PRRC2A: variants seen among roughly 807,000 people sequenced by gnomAD.
PRRC2A encodes protein PRRC2A.
In PRRC2A, 59 loss-of-function variants were observed where a neutral mutation model predicts 224.6. The ratio of observed to expected loss-of-function variants is 0.26; its 90% CI spans 0.21 to 0.33. The LOEUF is 0.33. PRRC2A is among the 10% of genes least tolerant of loss of function. PRRC2A has a pLI of 1.00. For synonymous variants in PRRC2A, 1,194 were observed against 1,109.5 expected, an observed-to-expected ratio of 1.08 and a Z score of -1.51; for missense variants, 3,095 against 2,880.7, an observed-to-expected ratio of 1.07 and a Z score of -1.70.
chr6:31,635,245 C>G lies in PRRC2A; in HGVS notation c.5274C>G (p.Pro1758=). Residue 1758 remains proline (P), a synonymous_variant, in exon 22 of 31, where the codon CCC becomes CCG. Coordinates refer to ENST00000376033, the MANE Select transcript of PRRC2A (RefSeq NM_004638.4). ...GPIRPSHRPG[P]PVQFGTSDKD... ...TTCGGCCATCCCATCGACCTGGTCC[C>G]CCAGTCCAGTTTGGCACTAGTGACA... 4 of 1,614,182 alleles carry G rather than the reference C, an allele frequency of 2.5e-6. No homozygotes were observed. Among genetic ancestry groups the G allele is most frequent in the Non-Finnish European group, 3.4e-6 (4 of 1,180,022 alleles).
chr6:31,623,084 C>G (rs368090975), intron 2 of PRRC2A, 183 bp downstream of exon 2: 62 of 763,892 alleles, frequency 8.1e-5, no homozygotes, highest in Non-Finnish European at 1.4e-4. Context: ...AGTTATCCTC[C>G]TACAAAGGCG....
rs143189688 is a variant in PRRC2A at position 31,627,069 on chromosome 6, T to C, written c.1161T>C (p.Thr387=). Residue 387 remains threonine, a synonymous_variant, in exon 11 of 31, where the codon ACT becomes ACC. Coordinates refer to ENST00000376033, the MANE Select transcript of PRRC2A (RefSeq NM_004638.4). This position sits in a 1 kb window ranked among gnomAD's most constrained non-coding sequence, Gnocchi z 5.6. The part of the protein sequence containing the change: ...KGNSPNSEPP[T]PKTAWAETSR... Reference sequence around the variant, plus strand: ...ACTCCCCCAACAGCGAACCGCCCACTCCTAAGACGGCCTGGGCAGAAACCT... The same window carrying C: ...ACTCCCCCAACAGCGAACCGCCCACCCCTAAGACGGCCTGGGCAGAAACCT... 1.7e-5 allele frequency: 28 copies of C among 1,613,986 alleles called. No homozygotes were observed. Among genetic ancestry groups the C allele is most frequent in the Non-Finnish European group, 2.0e-5 (24 of 1,180,018 alleles).
At chr6:31,624,383 G>A (rs1180587217) in intron 4 of PRRC2A, 23 bp downstream of exon 4, 2 of 1,611,106 alleles carry the variant, frequency 1.2e-6, no homozygotes, top group Admixed American at 3.3e-5. Flanking sequence ...CTGGAGGGGT[G>A]GGGAGGAAGA....
At position 31,636,169 on chromosome 6, in the gene PRRC2A, T is replaced by C. The variant is rs1299016527; in HGVS notation, c.5625-40T>C. 1 of 1,588,200 alleles carries C rather than the reference T, an allele frequency of 6.3e-7. No homozygotes were observed. The highest frequency in any genetic ancestry group is 8.6e-7 in the Non-Finnish European group (1 of 1,156,744). On this transcript the variant is annotated intron_variant, in intron 25 of 30. Transcript: ENST00000376033. The surrounding 1 kb of genome is among the most constrained non-coding windows in gnomAD (Gnocchi z 4.3). The stretch of plus-strand genomic sequence containing the variant: ...TGGACTTAAGGCATTGCTAGGACTC[T>C]GGCTTCCTAACAGCTTTTCTCCCCA...
Position 31,627,128 on chromosome 6 carries a change from C to G in PRRC2A, c.1220C>G (p.Ala407Gly). The G allele has an allele frequency of 6.2e-7, 1 of 1,613,970 alleles. No individual in the cohort carries two copies. Among genetic ancestry groups the G allele is most frequent in the South Asian group, 1.1e-5 (1 of 91,088 alleles). The change falls in exon 11 of 31, where the codon GCC becomes GGC. Residue 407 changes from alanine (A) to glycine (G), a missense_variant. Physicochemically the swap from Ala to Gly is moderately conservative, Grantham distance 60. This residue lies in a region of PRRC2A where 2,001 missense variants were observed against 1,764.9 expected (regional missense o/e 1.13). Transcript: ENST00000376033. This position sits in a 1 kb window ranked among gnomAD's most constrained non-coding sequence, Gnocchi z 5.6. ...CCAGAGACAGAGCCGGGACCTCCTG[C>G]CCCAAAGCCTCCCCTACCCCCACCT... ...RPPETEPGPP[A>G]PKPPLPPPHR... is the part of the protein sequence containing the mutation.
Position 31,626,129 on chromosome 6 carries a change from C to G in PRRC2A, c.949C>G (p.Gln317Glu). The G allele has an allele frequency of 1.2e-6, 2 of 1,612,696 alleles. No homozygotes were observed. Among genetic ancestry groups the G allele is most frequent in the Non-Finnish European group, 1.7e-6 (2 of 1,179,840 alleles). Residue 317 changes from glutamine (Q) to glutamate (E), a missense_variant, in exon 9 of 31, where the codon CAG (glutamine) becomes GAG (glutamate). Physicochemically the swap from Gln to Glu is conservative, Grantham distance 29. Around this residue, in one of 8 missense-constraint regions of PRRC2A, gnomAD observed 287 missense variants for 275.3 expected, o/e 1.04. Transcript: ENST00000376033. The stretch of plus-strand genomic sequence containing the variant: ...AGAGGATAATCTCAAAGAGTTTGAT[C>G]AGTTGGATCAGGAGAATGATGATGG... ...LKEDNLKEFD[Q>E]LDQENDDGWA...
rs754728776 is a variant in PRRC2A, at chr6:31,637,026, A to T, written c.6148-16A>T. 15 of 1,595,238 alleles carry T rather than the reference A, an allele frequency of 9.4e-6. No individual in the cohort carries two copies. The highest frequency in any genetic ancestry group is 1.3e-5 in the Non-Finnish European group (15 of 1,170,036). The stretch of plus-strand genomic sequence containing the variant: ...TGTATTTCAAGGTAGGCAGCTCATG[A>T]TTTTTTTCCCCTCAGCTGCATCCAG... On this transcript the variant is annotated splice_polypyrimidine_tract_variant and intron_variant, in intron 28 of 30. Coordinates refer to ENST00000376033, the MANE Select transcript of PRRC2A (RefSeq NM_004638.4).
chr6:31,635,958 C>T lies in PRRC2A; in HGVS notation c.5542-9C>T, dbSNP rs1443872240. The T allele has an allele frequency of 1.2e-6, 2 of 1,605,854 alleles. No individual in the cohort carries two copies. On this transcript the variant is annotated splice_polypyrimidine_tract_variant and intron_variant, in intron 24 of 30. Coordinates refer to ENST00000376033, the MANE Select transcript of PRRC2A (RefSeq NM_004638.4). The stretch of plus-strand genomic sequence containing the variant: ...CTAAAGCTGTTTCAACCGTGCTCCT[C>T]TCCTGCAGATCTCTGGGGGAGCCAT...
intron 14 of PRRC2A, among the ~76,000 whole-genome samples, 165 bp downstream of exon 14, chr6:31,630,010 C>T (rs1044954266): frequency 6.6e-6 from 1 of 152,172 alleles, no homozygotes; most frequent in African/African-American, 2.4e-5. Flanking sequence ...CAAAAATGGG[C>T]TTAGTTAAGA....
Position 31,627,953 on chromosome 6 carries a change from C to T in PRRC2A, c.1479C>T (p.Leu493=), listed in dbSNP as rs115697735. 3.0e-4 allele frequency: 485 copies of T among 1,612,970 alleles called. 9 individuals are homozygous for T. In the Admixed American group the frequency reaches 3.7e-3, roughly 12 times the overall value. Residue 493 remains leucine, a synonymous_variant, in exon 12 of 31, where the codon CTC becomes CTT. Transcript: ENST00000376033. This position sits in a 1 kb window ranked among gnomAD's most constrained non-coding sequence, Gnocchi z 5.6. ...CCTGTGCTGAGAAGCTCAAGCGACTCGATGAAAAGTTTGGGGCACCTGACA... is the reference window on the plus strand; with the variant it reads ...CCTGTGCTGAGAAGCTCAAGCGACTTGATGAAAAGTTTGGGGCACCTGACA... The part of the protein sequence containing the change: ...RAACAEKLKR[L]DEKFGAPDKR...
At chr6:31,623,189 A>G (rs771217034) in intron 2 of PRRC2A, 2 of 705,498 alleles carry the variant, frequency 2.8e-6, no homozygotes, top group African/African-American at 3.5e-5. Flanking sequence ...TTGCAGGCTC[A>G]TGATCAACCA....
Position 31,631,941 on chromosome 6 carries a change from G to A in PRRC2A, c.3268G>A (p.Glu1090Lys), listed in dbSNP as rs759019323. The A allele has an allele frequency of 4.3e-6, 7 of 1,612,924 alleles. No homozygotes were observed. The highest frequency in any genetic ancestry group is 5.9e-6 in the Non-Finnish European group (7 of 1,179,974). Residue 1090 changes from glutamate (E) to lysine (K), a missense_variant, in exon 16 of 31, where the codon GAG becomes AAG. Glu to Lys is a moderately conservative substitution (Grantham distance 56). Transcript: ENST00000376033. The surrounding 1 kb of genome is among the most constrained non-coding windows in gnomAD (Gnocchi z 4.5). ...CCGCACTGCCAGCGAGACACGGAGC[G>A]AGGGTTCAGAGTATGAGGAAATCCC... ...RGRTASETRS[E>K]GSEYEEIPKR...
intron 9 of PRRC2A, 100 bp downstream of exon 9, chr6:31,626,262 G>A: frequency 7.1e-7 from 1 of 1,401,916 alleles, no homozygotes. Flanking sequence ...AGACATTGAA[G>A]TGTAGGAAGA....
intron 14 of PRRC2A, 126 bp downstream of exon 14, chr6:31,629,971 T>A (rs1776359009): frequency 7.0e-7 from 1 of 1,433,020 alleles, no homozygotes; most frequent in Non-Finnish European, 9.4e-7. Flanking sequence ...GAAGGGCATA[T>A]GCTTGGCACT....
Position 31,625,575 on chromosome 6 carries a change from C to G in PRRC2A, c.723C>G (p.Pro241=). Residue 241 remains proline (P), a synonymous_variant, in exon 7 of 31, where the codon CCC becomes CCG. Transcript: ENST00000376033. The surrounding 1 kb of genome is among the most constrained non-coding windows in gnomAD (Gnocchi z 4.1). ...GTGGGCTACAGCCTTCAGGCCCACC[C>G]CAGTTCCCTCCCTACCGCGGAATGA... ...PRGGLQPSGP[P]QFPPYRGMMP... is the part of the protein sequence containing the mutation. 1.3e-6 allele frequency: 2 copies of G among 1,569,904 alleles called. No individual in the cohort carries two copies. Among genetic ancestry groups the G allele is most frequent in the Non-Finnish European group, 1.7e-6 (2 of 1,156,496 alleles).
At chr6:31,620,917 G>A in intron 1 of PRRC2A, 59 bp downstream of exon 1, 1 of 157,112 alleles carries the variant, frequency 6.4e-6, no homozygotes, top group Non-Finnish European at 1.4e-5. Flanking sequence ...GGTGGTGGCG[G>A]TGGCGGTGGC....
intron 13 of PRRC2A, 104 bp downstream of exon 13, chr6:31,629,438 G>T (rs970094141): frequency 5.4e-6 from 8 of 1,472,578 alleles, no homozygotes; most frequent in Non-Finnish European, 5.6e-6. Context: ...TCTTTGTCCA[G>T]TTGTCTCCAT....
At chr6:31,622,361 A>G (rs1775387824) in intron 1 of PRRC2A, among the ~76,000 whole-genome samples, 1 of 152,148 alleles carries the variant, frequency 6.6e-6, no homozygotes, top group Non-Finnish European at 1.5e-5. Context: ...TCTTGCTTGA[A>G]TTTGTCCTGT....
In PRRC2A at chr6:31,630,630, G is replaced by T. The variant is rs1776444257; in HGVS notation, c.2294G>T (p.Ser765Ile). 1 of 1,614,010 alleles carries T rather than the reference G, an allele frequency of 6.2e-7. No homozygotes were observed. The highest frequency in any genetic ancestry group is 8.5e-7 in the Non-Finnish European group (1 of 1,180,026). ...PRERSDSGGS[S>I]SEPFDRHAPA... ...GAGCGTTCAGACAGTGGGGGCTCAA[G>T]CTCAGAGCCATTTGACCGTCATGCA... The change falls in exon 15 of 31, where the codon AGC becomes ATC. Residue 765 changes from serine (S) to isoleucine (I), a missense_variant. Ser to Ile is a moderately radical substitution (Grantham distance 142, BLOSUM62 -2). Around this residue, in one of 8 missense-constraint regions of PRRC2A, gnomAD observed 2,001 missense variants for 1,764.9 expected, o/e 1.13. Coordinates refer to ENST00000376033, the MANE Select transcript of PRRC2A (RefSeq NM_004638.4).
Sources: allele counts gnomAD v4.1 joint callset (sites outside exome capture counted in the v4.1 genomes callset), GRCh38; gene constraint gnomAD v4.1.1; regional missense constraint gnomAD v4.1.1; non-coding constraint Gnocchi (gnomAD v3.1); transcripts MANE v1.5; gene names NCBI Gene and HGNC (gene_info 2026-07-23, HGNC 2026-07-21).